BTG4: variants seen among roughly 807,000 people sequenced by gnomAD.
BTG4 encodes the protein protein BTG4.
A neutral mutation model predicts 19.3 loss-of-function variants in BTG4; 10 were observed. The ratio of observed to expected loss-of-function variants is 0.52; its 90% CI spans 0.32 to 0.88. The LOEUF (loss-of-function observed/expected upper bound fraction) is 0.88. BTG4 is among the 40% of genes least tolerant of loss of function. The probability of loss-of-function intolerance (pLI) is 0.04; values close to 1 mark genes in which losing one functional copy is unlikely to be tolerated. For missense variants in BTG4, 238 were observed against 281.9 expected (o/e 0.84, Z 1.11); for synonymous variants, 91 against 95.7 (o/e 0.95, Z 0.29).
At chr11:111,427,473 T>C in the BTG4 span, among the ~76,000 whole-genome samples, 1 of 152,156 alleles carries the variant, frequency 6.6e-6, no homozygotes, top group South Asian at 2.1e-4. Flanking sequence ...CAACTCCATA[T>C]AAAACAACAG....
At chr11:111,401,527 G>C in the BTG4 span, among the ~76,000 whole-genome samples, 1 of 151,866 alleles carries the variant, frequency 6.6e-6, no homozygotes, top group East Asian at 1.9e-4. Flanking sequence ...AGGGAGCATA[G>C]GAATCTTCTG....
At chr11:111,432,170 G>C in the BTG4 span, among the ~76,000 whole-genome samples, 4 of 152,196 alleles carry the variant, frequency 2.6e-5, no homozygotes, top group Admixed American at 2.6e-4. Flanking sequence ...CACAGCTAGA[G>C]CCCTGCCCTC....
At chr11:111,402,754 T>C in the BTG4 span, among the ~76,000 whole-genome samples, 2 of 152,208 alleles carry the variant, frequency 1.3e-5, no homozygotes, top group Non-Finnish European at 2.9e-5. Context: ...TTGTGCTGAC[T>C]GTTCCCCTGA....
chr11:111,468,042 G>A (rs1251156937), intron 5 of BTG4, among the ~76,000 whole-genome samples: 1 of 152,214 alleles, frequency 6.6e-6, no homozygotes, highest in Non-Finnish European at 1.5e-5. Context: ...ATGTAGATTG[G>A]AAGTGCCTTG....
At chr11:111,481,290 AT>A (rs1389948576) in intron 5 of BTG4, among the ~76,000 whole-genome samples, 1 of 151,834 alleles carries the variant, frequency 6.6e-6, no homozygotes, top group Non-Finnish European at 1.5e-5. Context: ...TGAATTTATA[AT>A]TTTTTGATTT....
chr11:111,425,421 G>GC, the BTG4 span, among the ~76,000 whole-genome samples: 1 of 152,264 alleles, frequency 6.6e-6, no homozygotes. Context: ...AGACTGGAGA[G>GC]CCCCCAGTGC....
the BTG4 span, among the ~76,000 whole-genome samples, chr11:111,408,822 A>G: frequency 6.6e-6 from 1 of 152,222 alleles, no homozygotes; most frequent in Non-Finnish European, 1.5e-5. Context: ...AGGTGGGATG[A>G]CAAATAGAAT....
chr11:111,500,419 C>T (rs1360394472), intron 1 of BTG4, among the ~76,000 whole-genome samples: 1 of 152,194 alleles, frequency 6.6e-6, no homozygotes, highest in Non-Finnish European at 1.5e-5. Context: ...AAATAACAGC[C>T]AGACCTTCCT....
At chr11:111,509,294 T>C (rs1866683030) in intron 1 of BTG4, among the ~76,000 whole-genome samples, 1 of 152,212 alleles carries the variant, frequency 6.6e-6, no homozygotes, top group Admixed American at 6.5e-5. Flanking sequence ...ACATATAAAC[T>C]AGTTTCTAGG....
intron 5 of BTG4, among the ~76,000 whole-genome samples, chr11:111,468,232 C>T (rs1237356630): frequency 3.9e-5 from 6 of 152,210 alleles, no homozygotes; most frequent in Non-Finnish European, 7.3e-5. Context: ...ACTTGATCCT[C>T]AAAGCAACTC....
chr11:111,406,169 C>A, the BTG4 span, among the ~76,000 whole-genome samples: 2 of 152,152 alleles, frequency 1.3e-5, no homozygotes, highest in Non-Finnish European at 2.9e-5. Flanking sequence ...CACTAATGTT[C>A]TTTTGTTTTT....
chr11:111,500,135 C>A (rs1165053326), intron 1 of BTG4, among the ~76,000 whole-genome samples: 1 of 151,198 alleles, frequency 6.6e-6, no homozygotes, highest in Non-Finnish European at 1.5e-5. Context: ...GAGCAAGACT[C>A]CGTCTCAAAA....
chr11:111,498,929 TC>T (rs1232371892), intron 1 of BTG4, 127 bp from the exon 2 acceptor site: 7 of 636,206 alleles, frequency 1.1e-5, no homozygotes, highest in Non-Finnish European at 1.8e-5. Context: ...TAGAAAGAAG[TC>T]CTTAGTAAAC....
chr11:111,456,459 C>T, the BTG4 span: 1 of 453,972 alleles, frequency 2.2e-6, no homozygotes, highest in South Asian at 1.6e-5. This position sits in a 1 kb window ranked among gnomAD's most constrained non-coding sequence, Gnocchi z 4.2. Context: ...CCGCATGTTC[C>T]CTCTCCCACC....
intron 1 of BTG4, among the ~76,000 whole-genome samples, chr11:111,504,548 C>T (rs1244175570): frequency 1.3e-5 from 2 of 151,968 alleles, no homozygotes; most frequent in African/African-American, 4.8e-5. Context: ...AAAATACATA[C>T]ATTTATATAA....
the BTG4 span, among the ~76,000 whole-genome samples, chr11:111,435,289 G>A: frequency 8.1e-4 from 124 of 152,270 alleles, no homozygotes; most frequent in African/African-American, 2.7e-3. Flanking sequence ...GCTCAGACCT[G>A]GATATGGAAA....
At chr11:111,508,512 C>G (rs1048505864) in intron 1 of BTG4, among the ~76,000 whole-genome samples, 2 of 152,050 alleles carry the variant, frequency 1.3e-5, no homozygotes, top group African/African-American at 4.8e-5. Context: ...TTATACATTA[C>G]AATCTCCATA....
At chr11:111,480,383 C>T (rs1350539776) in intron 5 of BTG4, among the ~76,000 whole-genome samples, 1 of 151,942 alleles carries the variant, frequency 6.6e-6, no homozygotes, top group East Asian at 1.9e-4. Context: ...GACTTCAATA[C>T]CTCCTCTCAG....
the BTG4 span, chr11:111,455,822 G>A: frequency 1.8e-5 from 8 of 456,108 alleles, no homozygotes; most frequent in Admixed American, 4.7e-5. Context: ...GAGGGCCACC[G>A]CCTGAAGGCC....
Sources: gnomAD v4.1 joint callset for allele counts (sites outside exome capture counted in the v4.1 genomes callset) on GRCh38, gnomAD v4.1.1 for gene constraint, Gnocchi (gnomAD v3.1) non-coding constraint, MANE v1.5 for transcripts, NCBI Gene and HGNC (gene_info 2026-07-23, HGNC 2026-07-21) for gene names.